CGGBP1: variants seen among roughly 807,000 people sequenced by gnomAD.
CGGBP1 encodes CGG triplet repeat binding protein 1, also known as CGG triplet repeat-binding protein 1.
Under a neutral mutation model 11.4 loss-of-function variants are expected in CGGBP1, and 4 were observed. That is an observed-to-expected ratio of 0.35 (90% CI 0.17 to 0.80). The LOEUF is 0.80. CGGBP1 is among the 30% of genes least tolerant of loss of function. CGGBP1 has a pLI of 0.52. For synonymous variants in CGGBP1, 76 were observed against 74.1 expected (o/e 1.03, Z -0.13); for missense variants, 135 against 202.1 (o/e 0.67, Z 2.01).
chr3:88,148,707 C>G (rs1267485844), intron 1 of CGGBP1, among the ~76,000 whole-genome samples: 1 of 152,186 alleles, frequency 6.6e-6, no homozygotes, highest in Non-Finnish European at 1.5e-5. Context: ...GTGGCGCGAT[C>G]TCGGCTAACT....
intron 2 of CGGBP1, among the ~76,000 whole-genome samples, chr3:88,064,371 C>T (rs1485100644): frequency 2.6e-5 from 4 of 152,106 alleles, no homozygotes; most frequent in African/African-American, 7.2e-5. Context: ...TTTGATTATA[C>T]CCCGTTTTTG....
At chr3:88,108,287 C>T (rs1704867998) in intron 2 of CGGBP1, among the ~76,000 whole-genome samples, 1 of 151,462 alleles carries the variant, frequency 6.6e-6, no homozygotes, top group Non-Finnish European at 1.5e-5. Context: ...GAAGAATATA[C>T]TGGTGTAGCT....
At chr3:88,070,978 CAAGCTGAGGGA>C (rs1194121665) in intron 2 of CGGBP1, among the ~76,000 whole-genome samples, 1 of 151,996 alleles carries the variant, frequency 6.6e-6, no homozygotes, top group Non-Finnish European at 1.5e-5. Flanking sequence ...AAAACATAAT[CAAGCTGAGGGA>C]AAGATATAAA....
intron 2 of CGGBP1, among the ~76,000 whole-genome samples, chr3:88,074,937 C>T (rs890823100): frequency 4.6e-5 from 7 of 152,092 alleles, no homozygotes; most frequent in Non-Finnish European, 2.9e-5. Flanking sequence ...ACTAGGAAAA[C>T]TCATCAAGTG....
chr3:88,059,748 A>G (rs1049593227), upstream of CGGBP1, among the ~76,000 whole-genome samples: 8 of 151,940 alleles, frequency 5.3e-5, no homozygotes, highest in African/African-American at 1.7e-4. Context: ...GAGGGGCTGG[A>G]AAGAAGGAAG....
intron 1 of CGGBP1, among the ~76,000 whole-genome samples, chr3:88,145,628 T>C (rs1406870573): frequency 6.6e-6 from 1 of 152,192 alleles, no homozygotes; most frequent in Non-Finnish European, 1.5e-5. Context: ...CATAGCATAA[T>C]ATCTGTACTG....
At chr3:88,140,999 T>G (rs1707093367) in exon 2 of CGGBP1, 1 of 1,611,774 alleles carries the variant, frequency 6.2e-7, no homozygotes, top group South Asian at 1.1e-5. Flanking sequence ...AGGCTCATCT[T>G]GCACAAAAGA....
chr3:88,130,617 ATTTTTTT>A lies in CGGBP1; in HGVS notation c.-229+10346_-229+10352del, dbSNP rs10674029. Among the ~76,000 whole-genome samples, 373 of 129,182 alleles carry A rather than the reference ATTTTTTT, an allele frequency of 2.9e-3. 2 individuals carry two copies. The South Asian group carries it at 0.039, about 14-fold the overall frequency. 84.7% of individuals were successfully genotyped at this position (129,182 alleles called of 152,430 possible). A position where few individuals can be genotyped will look rare whatever the true frequency, so the allele number is the denominator to read the frequency against. ...AGATGTGTGCAACCATGCCCAGCTA[ATTTTTTT>A]TTTTTTTTTTTGGTAGAGATGGGGA... is the stretch of plus-strand genomic sequence containing the variant. On this transcript the variant is annotated intron_variant, in intron 2 of 3. Transcript: ENST00000462901.
chr3:88,055,621 T>C lies in CGGBP1; in HGVS notation c.356A>G (p.Glu119Gly). Residue 119 changes from glutamate to glycine, a missense_variant, in exon 4 of 4, where the codon GAG becomes GGG. Glu to Gly is a moderately conservative substitution (Grantham distance 98, BLOSUM62 -2). Coordinates refer to ENST00000482016, the MANE Select transcript of CGGBP1 (RefSeq NM_001008390.2). This position sits in a 1 kb window ranked among gnomAD's most constrained non-coding sequence, Gnocchi z 4.2. The stretch of plus-strand genomic sequence containing the variant: ...ACGGACTGCTGGGTGATCAGCCTTC[T>C]CAAGTGGGATGTTGGCTTCCAGGCA... The part of the protein sequence containing the change: ...KMCLEANIPL[E>G]KADHPAVRAF... The C allele has an allele frequency of 6.2e-7, 1 of 1,614,210 alleles. No individual in the cohort carries two copies. The highest frequency in any genetic ancestry group is 8.5e-7 in the Non-Finnish European group (1 of 1,180,020).
intron 2 of CGGBP1, among the ~76,000 whole-genome samples, chr3:88,082,933 G>A (rs1203187287): frequency 6.6e-6 from 1 of 152,194 alleles, no homozygotes; most frequent in Non-Finnish European, 1.5e-5. Context: ...ATGGCTTGCA[G>A]ATGACCTGTG....
At chr3:88,118,080 C>T (rs147427893) in intron 2 of CGGBP1, among the ~76,000 whole-genome samples, 35 of 152,050 alleles carry the variant, frequency 2.3e-4, no homozygotes, top group African/African-American at 7.7e-4. Flanking sequence ...CCAACTAAAC[C>T]AGTAATCTAA....
chr3:88,132,453 G>A lies in CGGBP1; in HGVS notation c.-229+8517C>T, dbSNP rs1706521905. 3.3e-5 allele frequency among the ~76,000 whole-genome samples: 5 copies of A among 152,238 alleles called. No homozygotes were observed. The South Asian group carries it at 1.0e-3, about 32-fold the overall frequency. The stretch of plus-strand genomic sequence containing the variant: ...AAGCTTCATTAAACCTGCCCTTTTG[G>A]TCTTCTAAAAGAAGACTGTCAATGG... On this transcript the variant is annotated intron_variant, in intron 2 of 3. Coordinates refer to the CGGBP1 transcript ENST00000462901.
At chr3:88,115,680 T>C (rs1455245264) in intron 2 of CGGBP1, among the ~76,000 whole-genome samples, 1 of 152,222 alleles carries the variant, frequency 6.6e-6, no homozygotes, top group Non-Finnish European at 1.5e-5. Context: ...CTCTCCGTTA[T>C]TTCTAGAAGA....
In CGGBP1 at chr3:88,126,078, A is replaced by G. The variant is rs541574631; in HGVS notation, c.-229+14892T>C. 1.2e-5 allele frequency: 17 copies of G among 1,382,910 alleles called. No individual in the cohort carries two copies. In the Admixed American group the frequency reaches 4.8e-4, roughly 39 times the overall value. The allele number at this position is 1,382,910 out of a possible 1,614,324, so 85.7% of individuals were successfully genotyped here. A position where few individuals can be genotyped will look rare whatever the true frequency, so the allele number is the denominator to read the frequency against. On this transcript the variant is annotated intron_variant, in intron 2 of 3. Coordinates refer to the CGGBP1 transcript ENST00000462901. ...GTCATTTTATTGACAATGATGATCA[A>G]GTTTAGTTTTTAACCCCTTTAAATT... is the stretch of plus-strand genomic sequence containing the variant.
chr3:88,115,996 G>T (rs1705365806), intron 2 of CGGBP1, among the ~76,000 whole-genome samples: 1 of 152,160 alleles, frequency 6.6e-6, no homozygotes, highest in African/African-American at 2.4e-5. Flanking sequence ...ACAGGGAAAT[G>T]TGTGAGAGAG....
chr3:88,141,774 A>G, intron 1 of CGGBP1: 2 of 684,952 alleles, frequency 2.9e-6, no homozygotes, highest in Non-Finnish European at 4.6e-6. Flanking sequence ...TTGGATTACT[A>G]AAGATAAAGA....
chr3:88,115,539 TG>T (rs1305969195), intron 2 of CGGBP1, among the ~76,000 whole-genome samples: 1 of 152,202 alleles, frequency 6.6e-6, no homozygotes, highest in African/African-American at 2.4e-5. Flanking sequence ...TCTTACTACT[TG>T]GATTTTTATT....
chr3:88,112,931 C>T (rs1167776799), intron 2 of CGGBP1, among the ~76,000 whole-genome samples: 2 of 151,896 alleles, frequency 1.3e-5, no homozygotes, highest in Non-Finnish European at 2.9e-5. Flanking sequence ...TTGTATTTTC[C>T]TTGAAGGCAC....
At chr3:88,081,549 T>G (rs1415917648) in intron 2 of CGGBP1, among the ~76,000 whole-genome samples, 1 of 152,244 alleles carries the variant, frequency 6.6e-6, no homozygotes, top group African/African-American at 2.4e-5. Context: ...TTTATTTAAT[T>G]ATTTGTATCA....
Sources: gnomAD v4.1 joint callset for allele counts (sites outside exome capture counted in the v4.1 genomes callset) on GRCh38, gnomAD v4.1.1 for gene constraint, Gnocchi (gnomAD v3.1) non-coding constraint, MANE v1.5 for transcripts, NCBI Gene and HGNC (gene_info 2026-07-23, HGNC 2026-07-21) for gene names.